The following TSPAN11 variants were observed in gnomAD, a reference collection of about 807,000 sequenced individuals.
TSPAN11 encodes tetraspanin 11, also known as tetraspanin-11.
In TSPAN11, 29 loss-of-function variants were observed where a neutral mutation model predicts 32.9. The observed-to-expected ratio is 0.88, with a 90% CI of 0.66 to 1.20. The LOEUF (loss-of-function observed/expected upper bound fraction) is 1.20, where lower values mean the gene tolerates loss of function less well. Ranked by LOEUF, TSPAN11 falls within the 50% of genes most tolerant of loss-of-function variation. The pLI is 0.00. For synonymous variants in TSPAN11, 140 were observed against 141.3 expected, an observed-to-expected ratio of 0.99 and a Z score of 0.07; for missense variants, 283 against 329.1, an observed-to-expected ratio of 0.86 and a Z score of 1.08.
Position 30,950,340 on chromosome 12 carries a change from TCCTTTA to T in TSPAN11, c.-11-3640_-11-3635del, listed in dbSNP as rs1384685325. Among the ~76,000 whole-genome samples the T allele has an allele frequency of 3.9e-5, 6 of 152,344 alleles. No homozygotes were observed. The South Asian group carries it at 1.0e-3, about 26-fold the overall frequency. ...AGAATCTGTATCCCTAATTATTTTTTCCTTTAAACAATGCAGAATTAAACTTTGAAT... is the reference window on the plus strand; with the variant it reads ...AGAATCTGTATCCCTAATTATTTTTTAACAATGCAGAATTAAACTTTGAAT... On this transcript the variant is annotated intron_variant, in intron 1 of 7. Transcript: ENST00000546076.
intron 1 of TSPAN11, among the ~76,000 whole-genome samples, chr12:30,935,114 T>G (rs1448621689): frequency 5.9e-5 from 9 of 152,180 alleles, no homozygotes; most frequent in Non-Finnish European, 1.2e-4. Flanking sequence ...AAATTCCCCT[T>G]GTGCCAAGCA....
intron 1 of TSPAN11, 92 bp downstream of exon 1, chr12:30,926,888 C>G (rs1022412482): frequency 1.7e-5 from 21 of 1,230,176 alleles, no homozygotes; most frequent in Non-Finnish European, 2.2e-5. Flanking sequence ...GCCCGCCCCG[C>G]CGGCAGTCCC....
chr12:30,992,062 T>A lies in TSPAN11; in HGVS notation c.*147T>A. 1.3e-6 allele frequency: 1 copy of A among 789,652 alleles called. No homozygotes were observed. The highest frequency in any genetic ancestry group is 1.9e-6 in the Non-Finnish European group (1 of 524,606). The allele number at this position is 789,652 out of a possible 1,614,324, so 48.9% of individuals were successfully genotyped here. On this transcript the variant is annotated 3_prime_UTR_variant, in exon 8 of 8. Coordinates refer to ENST00000546076, the MANE Select transcript of TSPAN11 (RefSeq NM_001370302.1). ...AGCTCCTGCGAATCCACCGAGTGCC[T>A]GAGACCATAGCTTCTGTGCCCACCC...
intron 3 of TSPAN11, among the ~76,000 whole-genome samples, chr12:30,976,363 C>T (rs191405062): frequency 2.6e-5 from 4 of 152,254 alleles, no homozygotes; most frequent in East Asian, 1.9e-4. Context: ...TGCTGAGCCA[C>T]GTTTTTCTAA....
chr12:30,962,784 G>A (rs890674111), intron 2 of TSPAN11, among the ~76,000 whole-genome samples: 10 of 152,150 alleles, frequency 6.6e-5, no homozygotes, highest in Non-Finnish European at 1.2e-4. Flanking sequence ...GGAGACTAGC[G>A]GGCAGAAGTC....
At chr12:30,934,701 T>G (rs769413999) in intron 1 of TSPAN11, among the ~76,000 whole-genome samples, 1 of 152,022 alleles carries the variant, frequency 6.6e-6, no homozygotes, top group Admixed American at 6.6e-5. Flanking sequence ...GTATTTTATG[T>G]GTGGCCCAAG....
At chr12:30,998,924 T>C (rs1033482200), downstream of TSPAN11, 3 of 152,196 alleles carry the variant, frequency 2.0e-5, no homozygotes, top group Non-Finnish European at 4.4e-5. Context: ...TTTTAGGAAC[T>C]GGGGTCTCGC....
At chr12:31,013,628 G>T in the TSPAN11 span, among the ~76,000 whole-genome samples, 1 of 75,306 alleles carries the variant, frequency 1.3e-5, no homozygotes, top group African/African-American at 4.4e-5. Flanking sequence ...AACAAAACGA[G>T]GGAGCATCCC....
intron 1 of TSPAN11, among the ~76,000 whole-genome samples, chr12:30,947,630 A>G (rs550367597): frequency 6.6e-6 from 1 of 152,322 alleles, no homozygotes. Flanking sequence ...ATTCACTGTC[A>G]CGAGAATAGT....
At chr12:31,003,657 G>A in the TSPAN11 span, among the ~76,000 whole-genome samples, 2 of 152,198 alleles carry the variant, frequency 1.3e-5, no homozygotes, top group South Asian at 2.1e-4. Flanking sequence ...CCCACTGGGT[G>A]ACTTGAGCAC....
intron 3 of TSPAN11, among the ~76,000 whole-genome samples, chr12:30,968,998 G>A (rs1404883123): frequency 6.6e-6 from 1 of 152,172 alleles, no homozygotes; most frequent in Non-Finnish European, 1.5e-5. Flanking sequence ...TGAGGATAAC[G>A]AAGAAGTATT....
In TSPAN11 at chr12:30,995,749, C is replaced by T. The variant is rs1168211621; in HGVS notation, c.*3834C>T. 6.6e-6 allele frequency: 1 copy of T among 151,566 alleles called. No homozygotes were observed. The highest frequency in any genetic ancestry group is 2.0e-4 in the East Asian group (1 of 5,076). 9.4% of individuals were successfully genotyped at this position (151,566 alleles called of 1,614,324 possible). The stretch of plus-strand genomic sequence containing the variant: ...AGCGTCTAAACCAGTCGTTCTCAAA[C>T]TTCGGTGAGTATCAGAATCACCTGG... On this transcript the variant is annotated 3_prime_UTR_variant, in exon 8 of 8. Transcript: ENST00000546076.
chr12:30,961,960 G>A (rs1446591023), intron 2 of TSPAN11, among the ~76,000 whole-genome samples: 1 of 152,002 alleles, frequency 6.6e-6, no homozygotes, highest in Non-Finnish European at 1.5e-5. Flanking sequence ...GTGAGCCGCA[G>A]ATAACCTATA....
intron 2 of TSPAN11, among the ~76,000 whole-genome samples, chr12:30,956,495 A>C (rs779026462): frequency 1.3e-4 from 20 of 152,214 alleles, no homozygotes; most frequent in Non-Finnish European, 2.5e-4. Context: ...GAACGAGGGC[A>C]GACTTCAGGT....
At chr12:30,998,101 C>CGT (rs139722245), downstream of TSPAN11, among the ~76,000 whole-genome samples, 5 of 152,116 alleles carry the variant, frequency 3.3e-5, no homozygotes, top group African/African-American at 7.2e-5. Flanking sequence ...TGAGTGTGTG[C>CGT]GTGTGTGTGT....
the TSPAN11 span, among the ~76,000 whole-genome samples, chr12:31,009,977 T>A: frequency 1.3e-5 from 2 of 152,214 alleles, no homozygotes; most frequent in Non-Finnish European, 2.9e-5. Flanking sequence ...TGTTATTAGT[T>A]TATTTTACAG....
At chr12:30,982,169 G>T (rs1008348368) in intron 5 of TSPAN11, among the ~76,000 whole-genome samples, 2 of 152,148 alleles carry the variant, frequency 1.3e-5, no homozygotes, top group African/African-American at 4.8e-5. Context: ...CCCCTGCCTT[G>T]TGGTTTTGTC....
chr12:30,953,142 C>A (rs1398852538), intron 1 of TSPAN11, among the ~76,000 whole-genome samples: 1 of 152,162 alleles, frequency 6.6e-6, no homozygotes, highest in Non-Finnish European at 1.5e-5. Flanking sequence ...AGTTTTAGGA[C>A]TAGAGTCTTA....
At chr12:31,005,153 T>C in the TSPAN11 span, among the ~76,000 whole-genome samples, 2 of 152,106 alleles carry the variant, frequency 1.3e-5, no homozygotes, top group Non-Finnish European at 2.9e-5. Flanking sequence ...AAAAAAGAAA[T>C]TAAGCCATTA....
Sources: gnomAD v4.1 joint callset for allele counts (sites outside exome capture counted in the v4.1 genomes callset) on GRCh38, gnomAD v4.1.1 for gene constraint, MANE v1.5 for transcripts, NCBI Gene and HGNC (gene_info 2026-07-23, HGNC 2026-07-21) for gene names.